The following CLSTN2 variants were observed in gnomAD, a reference collection of about 807,000 sequenced individuals.
The protein encoded by CLSTN2 is calsyntenin 2.
CLSTN2 carries 48 observed loss-of-function variants against 101.2 expected under a neutral mutation model. The observed-to-expected ratio is 0.47, with a 90% CI of 0.38 to 0.60. CLSTN2 has a LOEUF of 0.60. Ranked by LOEUF, CLSTN2 falls within the 20% of genes least tolerant of loss-of-function variation. CLSTN2 has a pLI of 0.00. For synonymous variants in CLSTN2, 481 were observed against 463.6 expected (o/e 1.04, Z -0.48); for missense variants, 1,160 against 1,238.2 (o/e 0.94, Z 0.95).
chr3:139,950,692 G>T (rs1935281104), intron 1 of CLSTN2, among the ~76,000 whole-genome samples: 1 of 152,190 alleles, frequency 6.6e-6, no homozygotes, highest in South Asian at 2.1e-4. Flanking sequence ...TACTGATACT[G>T]TTATGCATTT....
At chr3:140,292,703 C>T (rs369602911) in intron 2 of CLSTN2, among the ~76,000 whole-genome samples, 4 of 152,232 alleles carry the variant, frequency 2.6e-5, no homozygotes, top group Admixed American at 6.5e-5. Context: ...CTTAACCTCT[C>T]TCAGGCTCAA....
intron 2 of CLSTN2, among the ~76,000 whole-genome samples, chr3:140,308,879 G>GAAATCCA (rs748657280): frequency 7.2e-4 from 110 of 152,250 alleles, no homozygotes; most frequent in Non-Finnish European, 1.3e-3. Context: ...AGCTCTAATG[G>GAAATCCA]AAATCCAAGG....
chr3:140,325,535 A>T (rs1964545), intron 2 of CLSTN2, among the ~76,000 whole-genome samples: 80,360 of 152,008 alleles, frequency 0.53, 22,394 homozygotes, highest in Non-Finnish European at 0.64. Context: ...CTCTTCAAAG[A>T]CTTTCCTCCC....
rs1426467618 is a variant in CLSTN2, at chr3:140,403,624, T to C, written c.233-5T>C. Reference sequence around the variant, plus strand: ...TCCCACTCACTGTTTTCCATCCTTCTGCAGGGGAAATCTGTGCGTTCAAGA... The same window carrying C: ...TCCCACTCACTGTTTTCCATCCTTCCGCAGGGGAAATCTGTGCGTTCAAGA... On this transcript the variant is annotated splice_region_variant and splice_polypyrimidine_tract_variant and intron_variant, in intron 2 of 16. Transcript: ENST00000458420. 1.2e-6 allele frequency: 2 copies of C among 1,602,444 alleles called. No individual in the cohort carries two copies. The highest frequency in any genetic ancestry group is 1.7e-6 in the Non-Finnish European group (2 of 1,173,206).
chr3:140,386,414 A>G (rs1357413140), intron 2 of CLSTN2, among the ~76,000 whole-genome samples: 2 of 152,194 alleles, frequency 1.3e-5, no homozygotes, highest in East Asian at 3.9e-4. Flanking sequence ...CAATGGCTGA[A>G]ATAACACTTG....
chr3:140,273,998 T>C (rs973709467), intron 2 of CLSTN2, among the ~76,000 whole-genome samples: 3 of 152,048 alleles, frequency 2.0e-5, no homozygotes, highest in African/African-American at 7.2e-5. Flanking sequence ...TCAGGTGACA[T>C]ATGTTAAGCA....
chr3:140,135,473 T>G (rs1463349403), intron 1 of CLSTN2, among the ~76,000 whole-genome samples: 1 of 152,172 alleles, frequency 6.6e-6, no homozygotes, highest in Non-Finnish European at 1.5e-5. Flanking sequence ...CTGTTGTGTT[T>G]ATATTCTCGT....
chr3:140,306,848 T>TTTA (rs57111372), intron 2 of CLSTN2, among the ~76,000 whole-genome samples: 15,078 of 141,852 alleles, frequency 0.11, 967 homozygotes, highest in East Asian at 0.21. Context: ...TTTTTGTCTT[T>TTTA]TTATTATTAT....
At chr3:140,401,901 GA>G (rs1559859316) in intron 2 of CLSTN2, among the ~76,000 whole-genome samples, 1 of 152,118 alleles carries the variant, frequency 6.6e-6, no homozygotes, top group African/African-American at 2.4e-5. Context: ...GCACAGTACT[GA>G]AATGCCTAGT....
At chr3:140,366,613 G>A (rs2087792593) in intron 2 of CLSTN2, among the ~76,000 whole-genome samples, 1 of 152,142 alleles carries the variant, frequency 6.6e-6, no homozygotes, top group East Asian at 1.9e-4. Context: ...TGCCTTTCCT[G>A]GGCCTTCACC....
chr3:139,962,770 T>C (rs1288908503), intron 1 of CLSTN2, among the ~76,000 whole-genome samples: 8 of 152,344 alleles, frequency 5.3e-5, no homozygotes, highest in Non-Finnish European at 1.5e-5. Flanking sequence ...CATCTGTATG[T>C]ACCACAATTT....
intron 1 of CLSTN2, among the ~76,000 whole-genome samples, chr3:140,116,492 G>A (rs1162369461): frequency 2.6e-5 from 4 of 152,092 alleles, no homozygotes; most frequent in Non-Finnish European, 5.9e-5. Flanking sequence ...AAATGGACTG[G>A]TTTTCTCCTT....
At chr3:140,192,191 T>A (rs1576461893) in intron 2 of CLSTN2, among the ~76,000 whole-genome samples, 1 of 151,960 alleles carries the variant, frequency 6.6e-6, no homozygotes, top group East Asian at 1.9e-4. Context: ...GAAAGCATAT[T>A]TTGTATGATT....
chr3:139,992,006 G>A (rs760911894), intron 1 of CLSTN2, among the ~76,000 whole-genome samples: 6 of 152,158 alleles, frequency 3.9e-5, no homozygotes, highest in African/African-American at 1.4e-4. Context: ...TGCTTGTTCT[G>A]TTATGTGGGG....
At chr3:139,997,699 T>C (rs1434912804) in intron 1 of CLSTN2, among the ~76,000 whole-genome samples, 1 of 152,180 alleles carries the variant, frequency 6.6e-6, no homozygotes, top group Non-Finnish European at 1.5e-5. Flanking sequence ...TCTATTTTCT[T>C]TCAAATACAC....
intron 1 of CLSTN2, among the ~76,000 whole-genome samples, chr3:140,171,809 T>C (rs1415380992): frequency 1.1e-5 from 1 of 91,380 alleles, no homozygotes; most frequent in Non-Finnish European, 1.9e-5. Context: ...ATATGTATTA[T>C]ATATTATATA....
At chr3:140,419,034 T>TAAAA (rs150492676) in intron 4 of CLSTN2, among the ~76,000 whole-genome samples, 10,996 of 150,830 alleles carry the variant, frequency 0.073, 572 homozygotes, top group African/African-American at 0.15. Context: ...GACCTTTTTT[T>TAAAA]AAAAAAAAAA....
intron 1 of CLSTN2, among the ~76,000 whole-genome samples, chr3:140,118,430 G>T (rs749557509): frequency 1.1e-4 from 16 of 152,162 alleles, no homozygotes; most frequent in Non-Finnish European, 2.1e-4. Flanking sequence ...TGGTCTCATC[G>T]CTGCTGGGAC....
chr3:140,354,427 G>A (rs182132202), intron 2 of CLSTN2, among the ~76,000 whole-genome samples: 23 of 152,262 alleles, frequency 1.5e-4, no homozygotes, highest in Admixed American at 7.8e-4. Flanking sequence ...TCACACTGCC[G>A]TCTTCTCATG....
Sources: allele counts gnomAD v4.1 joint callset (sites outside exome capture counted in the v4.1 genomes callset), GRCh38; gene constraint gnomAD v4.1.1; transcripts MANE v1.5; gene names NCBI Gene and HGNC (gene_info 2026-07-23, HGNC 2026-07-21).